PTPRD: variants seen among roughly 807,000 people sequenced by gnomAD.
The protein encoded by PTPRD is receptor-type tyrosine-protein phosphatase delta.
PTPRD carries 34 observed loss-of-function variants against 214.5 expected under a neutral mutation model. That is an observed-to-expected ratio of 0.16 (90% confidence interval 0.12 to 0.21). PTPRD has a LOEUF of 0.21. Ranked by LOEUF, PTPRD falls within the 10% of genes least tolerant of loss-of-function variation. The pLI is 1.00. For synonymous variants in PTPRD, 1,128 were observed against 845.7 expected (o/e 1.33, Z -5.79); for missense variants, 2,545 against 2,398.7 (o/e 1.06, Z -1.27).
chr9:8,941,431 T>C (rs2099033290), intron 11 of PTPRD, among the ~76,000 whole-genome samples: 1 of 152,142 alleles, frequency 6.6e-6, no homozygotes, highest in Admixed American at 6.5e-5. Flanking sequence ...ATATATATAG[T>C]GATTTTAAAA....
intron 32 of PTPRD, among the ~76,000 whole-genome samples, chr9:8,463,796 C>T (rs1200153649): frequency 6.6e-6 from 1 of 151,852 alleles, no homozygotes; most frequent in African/African-American, 2.4e-5. Flanking sequence ...GAAGTATTTT[C>T]TCTTTGCAAA....
chr9:9,822,550 A>G (rs1189133006), intron 5 of PTPRD, among the ~76,000 whole-genome samples: 2 of 149,092 alleles, frequency 1.3e-5, no homozygotes, highest in African/African-American at 4.9e-5. Context: ...ATAACCAACT[A>G]CAAATAGTAT....
chr9:8,696,009 T>C (rs1235463945), intron 12 of PTPRD, among the ~76,000 whole-genome samples: 1 of 152,212 alleles, frequency 6.6e-6, no homozygotes, highest in Non-Finnish European at 1.5e-5. Flanking sequence ...GGATTTCTAT[T>C]TGATTGCTCA....
chr9:8,347,200 C>T lies in PTPRD; in HGVS notation c.4662-5222G>A, dbSNP rs559208432. ...TTTACACCAAAGAAATCAGGAAATACTACTTTTTTTCTCCCCAGAGAGCAG... is the reference window on the plus strand; with the variant it reads ...TTTACACCAAAGAAATCAGGAAATATTACTTTTTTTCTCCCCAGAGAGCAG... On this transcript the variant is annotated intron_variant, in intron 39 of 45. Transcript: ENST00000381196. 3.5e-4 allele frequency among the ~76,000 whole-genome samples: 53 copies of T among 152,176 alleles called. 1 individual carries two copies. The South Asian group carries it at 8.5e-3, about 24-fold the overall frequency.
At chr9:8,479,761 G>T (rs112274655) in intron 30 of PTPRD, among the ~76,000 whole-genome samples, 1 of 152,066 alleles carries the variant, frequency 6.6e-6, no homozygotes, top group Non-Finnish European at 1.5e-5. Flanking sequence ...TAAATTAATA[G>T]TAAATGCTGA....
At chr9:8,553,167 T>C (rs951740115) in intron 14 of PTPRD, among the ~76,000 whole-genome samples, 6 of 152,188 alleles carry the variant, frequency 3.9e-5, no homozygotes, top group African/African-American at 1.4e-4. Context: ...AAGTATATTA[T>C]GGCACCCTAT....
At chr9:9,325,398 G>C (rs1272088420) in intron 9 of PTPRD, among the ~76,000 whole-genome samples, 1 of 152,074 alleles carries the variant, frequency 6.6e-6, no homozygotes, top group African/African-American at 2.4e-5. Context: ...TCCTTGAAGA[G>C]GTCCTTCATA....
intron 39 of PTPRD, among the ~76,000 whole-genome samples, chr9:8,351,318 G>A (rs1299633373): frequency 6.6e-6 from 1 of 151,960 alleles, no homozygotes; most frequent in Admixed American, 6.6e-5. Flanking sequence ...GGTCTGAAAA[G>A]ATACACAAAT....
At chr9:9,759,860 G>T (rs541638650) in intron 6 of PTPRD, among the ~76,000 whole-genome samples, 229 of 152,180 alleles carry the variant, frequency 1.5e-3, no homozygotes, top group Non-Finnish European at 1.8e-3. Flanking sequence ...CCCGGCCAAG[G>T]TCTGTCTGAA....
At chr9:8,724,900 T>C (rs1306497907) in intron 12 of PTPRD, among the ~76,000 whole-genome samples, 9 of 152,178 alleles carry the variant, frequency 5.9e-5, no homozygotes, top group African/African-American at 2.2e-4. Context: ...ATCGCGTCAC[T>C]GCACTCCAGC....
chr9:8,689,425 AGGTTT>A (rs1207230572), intron 12 of PTPRD, among the ~76,000 whole-genome samples: 1 of 152,188 alleles, frequency 6.6e-6, no homozygotes, highest in Non-Finnish European at 1.5e-5. Context: ...GAAGAAAAAG[AGGTTT>A]AACTGGACTT....
intron 5 of PTPRD, among the ~76,000 whole-genome samples, chr9:9,869,649 A>G (rs1182896938): frequency 6.6e-6 from 1 of 152,132 alleles, no homozygotes; most frequent in Non-Finnish European, 1.5e-5. Context: ...ATCTAGATGT[A>G]ATGATCAAAC....
chr9:8,685,687 G>T (rs2097665761), intron 12 of PTPRD, among the ~76,000 whole-genome samples: 1 of 152,220 alleles, frequency 6.6e-6, no homozygotes, highest in East Asian at 1.9e-4. Context: ...GAAATATACA[G>T]AATCAAAGGT....
chr9:8,514,500 C>T (rs754433902), intron 21 of PTPRD, among the ~76,000 whole-genome samples: 3 of 149,982 alleles, frequency 2.0e-5, no homozygotes, highest in African/African-American at 4.9e-5. Flanking sequence ...AATGTTCTTC[C>T]TTCCACTTCT....
At chr9:8,982,787 T>C (rs2099319929) in intron 11 of PTPRD, among the ~76,000 whole-genome samples, 1 of 152,034 alleles carries the variant, frequency 6.6e-6, no homozygotes, top group Non-Finnish European at 1.5e-5. Context: ...CTAAATATTA[T>C]TTATTTTCCT....
At chr9:9,786,229 C>T (rs1292766653) in intron 5 of PTPRD, among the ~76,000 whole-genome samples, 2 of 135,946 alleles carry the variant, frequency 1.5e-5, no homozygotes, top group Non-Finnish European at 3.1e-5. Flanking sequence ...ATTACATTTA[C>T]CTGCATAAAC....
chr9:9,025,182 C>T (rs956492817), intron 10 of PTPRD, among the ~76,000 whole-genome samples: 3 of 151,804 alleles, frequency 2.0e-5, no homozygotes, highest in African/African-American at 7.3e-5. Flanking sequence ...CTTTATTTTT[C>T]CTTTATTACC....
chr9:9,806,163 G>C (rs1220999033), intron 5 of PTPRD, among the ~76,000 whole-genome samples: 2 of 152,100 alleles, frequency 1.3e-5, no homozygotes. Context: ...GCAGCCATGA[G>C]CAAGGCAAGA....
intron 21 of PTPRD, among the ~76,000 whole-genome samples, chr9:8,516,119 C>T (rs1389009551): frequency 2.0e-5 from 3 of 152,066 alleles, no homozygotes; most frequent in Non-Finnish European, 2.9e-5. Flanking sequence ...TATGTAGCTG[C>T]TAAAACAGTA....
Sources: allele counts gnomAD v4.1 joint callset (sites outside exome capture counted in the v4.1 genomes callset), GRCh38; gene constraint gnomAD v4.1.1; transcripts MANE v1.5; gene names NCBI Gene and HGNC (gene_info 2026-07-23, HGNC 2026-07-21).